The following ESRP1 variants were observed in gnomAD, a reference collection of about 807,000 sequenced individuals.
ESRP1 encodes epithelial splicing regulatory protein 1, also known as RNA-binding motif protein 35A.
Under a neutral mutation model 81.7 loss-of-function variants are expected in ESRP1, and 33 were observed. That is an observed-to-expected ratio of 0.40 (90% confidence interval 0.31 to 0.54). The LOEUF (loss-of-function observed/expected upper bound fraction) is 0.54, where lower values mean the gene tolerates loss of function less well. ESRP1 is among the 20% of genes least tolerant of loss of function. The pLI is 0.41. For missense variants in ESRP1, 672 were observed against 833.1 expected, an observed-to-expected ratio of 0.81 and a Z score of 2.38; for synonymous variants, 320 against 303.3, an observed-to-expected ratio of 1.06 and a Z score of -0.57.
intron 13 of ESRP1, among the ~76,000 whole-genome samples, chr8:94,681,325 CAAAAAAAAAAAAAAA>C (rs1171703394): frequency 5.8e-4 from 18 of 31,266 alleles, no homozygotes; most frequent in Admixed American, 8.9e-4. Context: ...GACTCCATCT[CAAAAAAAAAAAAAAA>C]AAAAAAAAAA....
intron 12 of ESRP1, 32 bp from the exon 13 acceptor site, chr8:94,678,171 A>G (rs1808717451): frequency 2.5e-6 from 4 of 1,609,572 alleles, no homozygotes; most frequent in African/African-American, 1.3e-5. Context: ...TGTTACAAAT[A>G]TGTCTCAAAG....
At chr8:94,703,870 T>A (rs1563554495) in intron 15 of ESRP1, among the ~76,000 whole-genome samples, 1 of 152,170 alleles carries the variant, frequency 6.6e-6, no homozygotes, top group Admixed American at 6.6e-5. Flanking sequence ...GATTAGGTGA[T>A]GGGGCAGTTG....
intron 13 of ESRP1, among the ~76,000 whole-genome samples, chr8:94,684,987 T>C (rs1809079210): frequency 6.6e-6 from 1 of 150,848 alleles, no homozygotes; most frequent in African/African-American, 2.4e-5. Flanking sequence ...GTGATCGTGC[T>C]CATTGTGGTG....
At chr8:94,692,266 T>A (rs1229898398) in intron 13 of ESRP1, among the ~76,000 whole-genome samples, 1 of 152,142 alleles carries the variant, frequency 6.6e-6, no homozygotes, top group Non-Finnish European at 1.5e-5. Flanking sequence ...TTTGGATACT[T>A]CTGGTCTCTG....
chr8:94,701,482 G>A (rs1314383300), intron 15 of ESRP1, among the ~76,000 whole-genome samples: 1 of 152,118 alleles, frequency 6.6e-6, no homozygotes, highest in African/African-American at 2.4e-5. Flanking sequence ...ATGCCCACAA[G>A]CCTTTCTGGG....
chr8:94,656,464 G>A (rs765099385), intron 4 of ESRP1, among the ~76,000 whole-genome samples: 8 of 151,518 alleles, frequency 5.3e-5, no homozygotes, highest in African/African-American at 1.5e-4. Context: ...CTTGTGATCC[G>A]CCCACCTTGG....
intron 11 of ESRP1, among the ~76,000 whole-genome samples, chr8:94,672,536 C>CTTT (rs556057261): frequency 6.9e-6 from 1 of 145,984 alleles, no homozygotes; most frequent in Non-Finnish European, 1.5e-5. Context: ...AACTTTGGAA[C>CTTT]TTTTTTTTTT....
intron 12 of ESRP1, 37 bp from the exon 13 acceptor site, chr8:94,678,166 C>T: frequency 6.2e-7 from 1 of 1,607,636 alleles, no homozygotes; most frequent in South Asian, 1.1e-5. Flanking sequence ...TCAGCTGTTA[C>T]AAATATGTCT....
chr8:94,699,919 C>G (rs1239577992), intron 15 of ESRP1, among the ~76,000 whole-genome samples: 1 of 151,928 alleles, frequency 6.6e-6, no homozygotes, highest in Non-Finnish European at 1.5e-5. Context: ...TTTTTTACCG[C>G]CTCCTTATCA....
chr8:94,703,108 G>GTTT (rs201767398), intron 15 of ESRP1, among the ~76,000 whole-genome samples: 60,131 of 127,992 alleles, frequency 0.47, 14,644 homozygotes, highest in Non-Finnish European at 0.53. Context: ...GAGATTGATT[G>GTTT]TTTTTTTTTT....
At chr8:94,646,340 T>C in intron 4 of ESRP1, 58 bp downstream of exon 4, 2 of 863,102 alleles carry the variant, frequency 2.3e-6, no homozygotes, top group Non-Finnish European at 3.4e-6. Context: ...GAAAAGGTAA[T>C]TCAAGAAACT....
intron 13 of ESRP1, among the ~76,000 whole-genome samples, chr8:94,682,785 C>A (rs1017858401): frequency 6.7e-6 from 1 of 149,974 alleles, no homozygotes; most frequent in Non-Finnish European, 1.5e-5. Context: ...GAGGAATAAC[C>A]ATTGTCTTTC....
chr8:94,692,964 A>C, intron 14 of ESRP1, 137 bp downstream of exon 14: 1 of 966,276 alleles, frequency 1.0e-6, no homozygotes, highest in Non-Finnish European at 1.5e-6. Context: ...TTATGGAAAC[A>C]AATAGATCTG....
intron 6 of ESRP1, among the ~76,000 whole-genome samples, chr8:94,664,141 T>TTTTTTTTTTTG (rs138058879): frequency 2.4e-5 from 3 of 124,590 alleles, no homozygotes. Flanking sequence ...TTTTTTTTTT[T>TTTTTTTTTTTG]GAGAGGGAGT....
In ESRP1 at chr8:94,671,407, G is replaced by A. The variant is rs562825502; in HGVS notation, c.1234-46G>A. The A allele has an allele frequency of 8.8e-5, 133 of 1,518,614 alleles. 2 individuals carry two copies. The South Asian group carries it at 1.5e-3, about 17-fold the overall frequency. 94.1% of individuals were successfully genotyped at this position (1,518,614 alleles called of 1,614,324 possible). On this transcript the variant is annotated intron_variant, in intron 10 of 15. Transcript: ENST00000433389. ...GCCATTGCTGATCTGCAGAAAGCAG[G>A]GGAGTAGCACAGCTCTAAATTACTT...
intron 4 of ESRP1, among the ~76,000 whole-genome samples, chr8:94,657,292 G>A (rs577504956): frequency 6.6e-6 from 1 of 152,318 alleles, no homozygotes; most frequent in East Asian, 1.9e-4. Context: ...AAATTAGGAG[G>A]CACAGACTCA....
intron 15 of ESRP1, among the ~76,000 whole-genome samples, chr8:94,701,934 C>T (rs1809856750): frequency 6.6e-6 from 1 of 152,168 alleles, no homozygotes; most frequent in African/African-American, 2.4e-5. Context: ...AAAAGATAGC[C>T]AGGTGTCGTC....
chr8:94,646,311 A>C (rs1352714386), intron 4 of ESRP1, 29 bp downstream of exon 4: 15 of 1,333,916 alleles, frequency 1.1e-5, no homozygotes, highest in Non-Finnish European at 1.6e-5. Context: ...CTCAAGAATC[A>C]TTTGAAAAGA....
chr8:94,660,615 G>A (rs1037348056), intron 4 of ESRP1, among the ~76,000 whole-genome samples: 167 of 148,666 alleles, frequency 1.1e-3, no homozygotes, highest in Non-Finnish European at 1.2e-4. Flanking sequence ...GCGCGTGCCT[G>A]TAATTCCACC....
Sources: allele counts gnomAD v4.1 joint callset (sites outside exome capture counted in the v4.1 genomes callset), GRCh38; gene constraint gnomAD v4.1.1; transcripts MANE v1.5; gene names NCBI Gene and HGNC (gene_info 2026-07-23, HGNC 2026-07-21).